The following COG6 variants were observed in gnomAD, a reference collection of about 807,000 sequenced individuals.
The protein encoded by COG6 is component of oligomeric golgi complex 6.
Under a neutral mutation model 88.8 loss-of-function variants are expected in COG6, and 74 were observed. That is an observed-to-expected ratio of 0.83 (90% confidence interval 0.69 to 1.01). The LOEUF (loss-of-function observed/expected upper bound fraction) is 1.01. Among genes scored for constraint, COG6 ranks in the 50% least tolerant of loss-of-function variants. The pLI, the probability that COG6 is intolerant of heterozygous loss-of-function variation, is 0.00. For missense variants in COG6, 800 were observed against 797.9 expected, an observed-to-expected ratio of 1.00 and a Z score of -0.03; for synonymous variants, 286 against 278.7, an observed-to-expected ratio of 1.03 and a Z score of -0.26.
intron 18 of COG6, among the ~76,000 whole-genome samples, chr13:39,767,385 T>A (rs1341717641): frequency 6.6e-6 from 1 of 151,286 alleles, no homozygotes; most frequent in Non-Finnish European, 1.5e-5. Flanking sequence ...ATAATGAGAG[T>A]TTTAGGTTAT....
At chr13:39,710,643 GA>G (rs777402893) in intron 13 of COG6, among the ~76,000 whole-genome samples, 4 of 152,094 alleles carry the variant, frequency 2.6e-5, no homozygotes, top group South Asian at 2.1e-4. Context: ...ATGAAGAAAA[GA>G]AAAAAATCAA....
chr13:39,655,693 T>C lies in COG6; in HGVS notation c.-34T>C. On this transcript the variant is annotated 5_prime_UTR_variant, in exon 1 of 19. Transcript: ENST00000455146. Reference sequence around the variant, plus strand: ...GCTGCCTCCGTGGTCCCTGCCTGGCTGAGGTGGCAGCAGGGGGCGGGACGC... The same window carrying C: ...GCTGCCTCCGTGGTCCCTGCCTGGCCGAGGTGGCAGCAGGGGGCGGGACGC... 3 of 1,553,980 alleles carry C rather than the reference T, an allele frequency of 1.9e-6. No individual in the cohort carries two copies. The highest frequency in any genetic ancestry group is 1.7e-4 in the Middle Eastern group (1 of 5,830).
chr13:39,778,772 G>T (rs1881544022), intron 18 of COG6, among the ~76,000 whole-genome samples: 1 of 152,242 alleles, frequency 6.6e-6, no homozygotes, highest in Non-Finnish European at 1.5e-5. Context: ...GGGAGCCACT[G>T]CCAGGGTGGC....
rs1156708445 is a variant in COG6, at chr13:39,718,970, A to G, written c.1285-266A>G. On this transcript the variant is annotated intron_variant, in intron 13 of 18. Transcript: ENST00000455146. ...ATCCATATTAAAATGTAATTCTACA[A>G]TTCAATTGAACACTAACTTTTCAAA... Among the ~76,000 whole-genome samples the G allele has an allele frequency of 2.6e-5, 4 of 152,286 alleles. No individual in the cohort carries two copies. In the South Asian group the frequency reaches 8.3e-4, roughly 32 times the overall value.
exon 19 of COG6, chr13:39,791,585 CCTT>C (rs1253994177): frequency 1.3e-5 from 2 of 151,656 alleles, no homozygotes; most frequent in Non-Finnish European, 2.9e-5. Context: ...GAAAAAAAAA[CCTT>C]CTCATTACAG....
intron 18 of COG6, among the ~76,000 whole-genome samples, chr13:39,771,883 G>A (rs1423002641): frequency 6.6e-6 from 1 of 152,042 alleles, no homozygotes; most frequent in Non-Finnish European, 1.5e-5. Context: ...CTTGGTGCTG[G>A]GGGGAAAAGC....
At chr13:39,783,925 G>A (rs764093577) in intron 18 of COG6, among the ~76,000 whole-genome samples, 1 of 152,146 alleles carries the variant, frequency 6.6e-6, no homozygotes, top group African/African-American at 2.4e-5. Flanking sequence ...AGGCAAGTGA[G>A]ATCATTTTTC....
At chr13:39,679,212 A>T in intron 5 of COG6, 2 of 313,998 alleles carry the variant, frequency 6.4e-6, no homozygotes, top group Non-Finnish European at 6.0e-6. Context: ...TTTTTCATGT[A>T]GTAATTTTTA....
chr13:39,664,026 A>G (rs1324421830), intron 3 of COG6: 1 of 154,790 alleles, frequency 6.5e-6, no homozygotes, highest in African/African-American at 2.4e-5. Context: ...TATTGACAGC[A>G]TACCTAGAAA....
At chr13:39,774,500 C>CT (rs1881407465) in intron 18 of COG6, among the ~76,000 whole-genome samples, 1 of 151,884 alleles carries the variant, frequency 6.6e-6, no homozygotes. Flanking sequence ...TTATAATTTA[C>CT]TTTTATCAGT....
chr13:39,746,349 A>G (rs1400712635), intron 18 of COG6, among the ~76,000 whole-genome samples: 2 of 152,260 alleles, frequency 1.3e-5, no homozygotes, highest in Non-Finnish European at 2.9e-5. Context: ...GCTATGGACT[A>G]GGCTGTGATT....
At chr13:39,739,775 A>G (rs1231827536) in intron 18 of COG6, among the ~76,000 whole-genome samples, 1 of 152,178 alleles carries the variant, frequency 6.6e-6, no homozygotes, top group Non-Finnish European at 1.5e-5. Context: ...TTTACCTTGG[A>G]GCTTCTAGCC....
intron 18 of COG6, among the ~76,000 whole-genome samples, chr13:39,766,535 A>T (rs1479231762): frequency 6.6e-6 from 1 of 151,734 alleles, no homozygotes; most frequent in Non-Finnish European, 1.5e-5. Context: ...ACCCCATCCC[A>T]TACTCCCTCC....
intron 8 of COG6, among the ~76,000 whole-genome samples, chr13:39,684,061 T>G (rs902223245): frequency 6.6e-6 from 1 of 151,964 alleles, no homozygotes; most frequent in African/African-American, 2.4e-5. Flanking sequence ...ATTTTAGATA[T>G]TATTTTTATT....
At position 39,658,025 on chromosome 13, in the gene COG6, C is replaced by T. The variant is rs140273122; in HGVS notation, c.154-1339C>T. On this transcript the variant is annotated intron_variant, in intron 1 of 18. Transcript: ENST00000455146. ...TAAAGAACGTCACCATTTACCCAGTCAAGCAAGAAGCATATGAATAATTTT... is the reference window on the plus strand; with the variant it reads ...TAAAGAACGTCACCATTTACCCAGTTAAGCAAGAAGCATATGAATAATTTT... 1.2e-3 allele frequency among the ~76,000 whole-genome samples: 174 copies of T among 150,104 alleles called. 1 individual carries two copies. Among genetic ancestry groups the T allele is most frequent in the Middle Eastern group, 3.5e-3 (1 of 286 alleles).
At chr13:39,731,741 AC>A (rs1054447683) in intron 18 of COG6, among the ~76,000 whole-genome samples, 67 of 152,270 alleles carry the variant, frequency 4.4e-4, no homozygotes, top group African/African-American at 1.6e-3. Flanking sequence ...GAAATTGAAC[AC>A]TTTTTTTTCT....
At position 39,655,705 on chromosome 13, in the gene COG6, A is replaced by AGG; in HGVS notation, c.-18_-17dup. The AGG allele has an allele frequency of 1.3e-6, 2 of 1,579,780 alleles. No homozygotes were observed. The highest frequency in any genetic ancestry group is 1.7e-6 in the Non-Finnish European group (2 of 1,161,946). On this transcript the variant is annotated 5_prime_UTR_variant, in exon 1 of 19. Coordinates refer to ENST00000455146, the MANE Select transcript of COG6 (RefSeq NM_020751.3). ...GTCCCTGCCTGGCTGAGGTGGCAGC[A>AGG]GGGGGCGGGACGCGCAGCGCTATGG...
chr13:39,673,338 G>C (rs1027053692), intron 4 of COG6, among the ~76,000 whole-genome samples: 4 of 151,760 alleles, frequency 2.6e-5, no homozygotes, highest in African/African-American at 7.3e-5. Context: ...TAAAAATTTA[G>C]AAATTTATCA....
chr13:39,694,955 GCACACACACA>G lies in COG6; in HGVS notation c.1166+256_1166+265del, dbSNP rs5803006. On this transcript the variant is annotated intron_variant, in intron 12 of 18. Transcript: ENST00000455146. The stretch of plus-strand genomic sequence containing the variant: ...CTTTTTTCTCCAAGCTTAACTACAC[GCACACACACA>G]CACACACACACACACACACACACAC... Among the ~76,000 whole-genome samples the G allele has an allele frequency of 1.3e-3, 180 of 142,638 alleles. 2 individuals carry two copies. Among genetic ancestry groups the G allele is most frequent in the African/African-American group, 4.4e-3 (171 of 38,502 alleles). The allele number at this position is 142,638 out of a possible 152,430, so 93.6% of individuals were successfully genotyped here.
Sources: gnomAD v4.1 joint callset for allele counts (sites outside exome capture counted in the v4.1 genomes callset) on GRCh38, gnomAD v4.1.1 for gene constraint, MANE v1.5 for transcripts, NCBI Gene and HGNC (gene_info 2026-07-23, HGNC 2026-07-21) for gene names.